Variants in MYO1B observed in about 807,000 individuals in gnomAD.
MYO1B encodes the protein unconventional myosin-Ib.
MYO1B carries 72 observed loss-of-function variants against 159.7 expected under a neutral mutation model. That is an observed-to-expected ratio of 0.45 (90% CI 0.37 to 0.55). The LOEUF is 0.55. Ranked by LOEUF, MYO1B falls within the 20% of genes least tolerant of loss-of-function variation. The probability of loss-of-function intolerance (pLI) is 0.00; values close to 1 mark genes in which losing one functional copy is unlikely to be tolerated. For missense variants in MYO1B, 1,062 were observed against 1,364.8 expected, an observed-to-expected ratio of 0.78 and a Z score of 3.50; for synonymous variants, 468 against 473.8, an observed-to-expected ratio of 0.99 and a Z score of 0.16.
intron 1 of MYO1B, among the ~76,000 whole-genome samples, chr2:191,253,102 T>C (rs1686225782): frequency 6.6e-6 from 1 of 152,142 alleles, no homozygotes; most frequent in Non-Finnish European, 1.5e-5. Flanking sequence ...ACCCATAAAG[T>C]TGGTAAATGT....
Position 191,340,759 on chromosome 2 carries a change from TCTGTTG to T in MYO1B, c.347-700_347-695del, listed in dbSNP as rs1413925386. Among the ~76,000 whole-genome samples the T allele has an allele frequency of 2.0e-5, 3 of 151,958 alleles. No individual in the cohort carries two copies. In the East Asian group the frequency reaches 5.8e-4, roughly 29 times the overall value. ...TTTTTTTTTTGAGACAGAGTCTTGC[TCTGTTG>T]CCAAGGCTGGAGTGCAGTGGTGCGA... On this transcript the variant is annotated intron_variant, in intron 4 of 30. Coordinates refer to ENST00000392318, the MANE Select transcript of MYO1B (RefSeq NM_001130158.3).
chr2:191,300,823 C>G (rs1037911400), intron 3 of MYO1B, among the ~76,000 whole-genome samples: 1 of 151,826 alleles, frequency 6.6e-6, no homozygotes, highest in South Asian at 2.1e-4. Context: ...CAAAAGCATC[C>G]AGATACTTTT....
At chr2:191,308,776 A>T (rs1240956403) in intron 3 of MYO1B, among the ~76,000 whole-genome samples, 2 of 152,148 alleles carry the variant, frequency 1.3e-5, no homozygotes, top group African/African-American at 2.4e-5. Context: ...TGTGACCTCC[A>T]TGTTATCAAA....
intron 7 of MYO1B, among the ~76,000 whole-genome samples, chr2:191,356,213 A>G (rs1372289727): frequency 6.6e-6 from 1 of 152,186 alleles, no homozygotes; most frequent in Non-Finnish European, 1.5e-5. Flanking sequence ...TCTATGGGTC[A>G]GTTCTCAGTA....
intron 27 of MYO1B, among the ~76,000 whole-genome samples, chr2:191,412,964 A>T (rs1425251162): frequency 6.6e-6 from 1 of 152,192 alleles, no homozygotes; most frequent in South Asian, 2.1e-4. Flanking sequence ...TTAACTTATG[A>T]TGCAGTTACA....
intron 1 of MYO1B, among the ~76,000 whole-genome samples, chr2:191,256,356 A>G (rs1337535679): frequency 1.3e-5 from 2 of 152,194 alleles, no homozygotes; most frequent in Non-Finnish European, 2.9e-5. Context: ...GGTTATAGTA[A>G]GGATTAAATG....
At position 191,390,304 on chromosome 2, in the gene MYO1B, G is replaced by A. The variant is rs73984118; in HGVS notation, c.1794G>A (p.Pro598=). ...KNPNYIRCIK[P]NDKKAAHIFN... ...TGTGATCTTTAAGGTGTATCAAACC[G>A]AATGATAAAAAAGCAGCACACATCT... Residue 598 remains proline, a synonymous_variant, in exon 18 of 31, where the codon CCG becomes CCA. Transcript: ENST00000392318. 4,768 of 1,613,230 alleles carry A rather than the reference G, an allele frequency of 3.0e-3. 117 individuals carry two copies. The African/African-American group carries it at 0.055, about 19-fold the overall frequency.
chr2:191,256,307 C>G (rs1686444176), intron 1 of MYO1B, among the ~76,000 whole-genome samples: 1 of 152,210 alleles, frequency 6.6e-6, no homozygotes, highest in Non-Finnish European at 1.5e-5. Context: ...ATTTTCTCAT[C>G]TGCGCAATGT....
At chr2:191,349,807 C>T (rs1692797390) in intron 6 of MYO1B, among the ~76,000 whole-genome samples, 1 of 152,216 alleles carries the variant, frequency 6.6e-6, no homozygotes, top group Non-Finnish European at 1.5e-5. Context: ...AGACTATCTT[C>T]CCAACCAGTC....
At chr2:191,396,739 A>G (rs1696098987) in intron 21 of MYO1B, among the ~76,000 whole-genome samples, 1 of 152,194 alleles carries the variant, frequency 6.6e-6, no homozygotes, top group East Asian at 1.9e-4. Flanking sequence ...AAGTCCTTGA[A>G]ATAATACCCG....
At chr2:191,362,694 G>T (rs1408492651) in intron 9 of MYO1B, among the ~76,000 whole-genome samples, 2 of 152,068 alleles carry the variant, frequency 1.3e-5, no homozygotes, top group African/African-American at 4.8e-5. Flanking sequence ...ATTTCCAACT[G>T]CCCTTGGATC....
At chr2:191,370,163 C>A in intron 12 of MYO1B, 64 bp from the exon 13 acceptor site, 1 of 1,006,792 alleles carries the variant, frequency 9.9e-7, no homozygotes, top group Non-Finnish European at 1.5e-6. Flanking sequence ...ATCTATGTTC[C>A]TTGGATGCTT....
At chr2:191,351,201 AAAG>A (rs1692901685) in intron 7 of MYO1B, among the ~76,000 whole-genome samples, 1 of 152,094 alleles carries the variant, frequency 6.6e-6, no homozygotes, top group Non-Finnish European at 1.5e-5. Flanking sequence ...AAAAAAAAAA[AAAG>A]AAAGTTGACT....
At chr2:191,279,861 A>G (rs1250137470) in intron 2 of MYO1B, among the ~76,000 whole-genome samples, 1 of 152,198 alleles carries the variant, frequency 6.6e-6, no homozygotes, top group Non-Finnish European at 1.5e-5. Context: ...CATATTGAAC[A>G]GTAATTTGTA....
At chr2:191,301,728 C>T (rs2124095) in intron 3 of MYO1B, among the ~76,000 whole-genome samples, 56,612 of 152,056 alleles carry the variant, frequency 0.37, 10,809 homozygotes, top group Middle Eastern at 0.53. Context: ...GATACTCAGT[C>T]GATACTTAAT....
At chr2:191,318,447 T>C (rs1016987094) in intron 3 of MYO1B, among the ~76,000 whole-genome samples, 1 of 152,212 alleles carries the variant, frequency 6.6e-6, no homozygotes, top group Non-Finnish European at 1.5e-5. Context: ...ATCAAGCTTA[T>C]ATTTTGTAAT....
intron 2 of MYO1B, among the ~76,000 whole-genome samples, chr2:191,285,556 C>T (rs895650531): frequency 1.3e-5 from 2 of 152,160 alleles, no homozygotes; most frequent in African/African-American, 4.8e-5. Context: ...ATTCTTTCCT[C>T]AAACTTTGAA....
At chr2:191,291,465 C>G (rs1359914386) in intron 2 of MYO1B, among the ~76,000 whole-genome samples, 1 of 152,206 alleles carries the variant, frequency 6.6e-6, no homozygotes, top group East Asian at 1.9e-4. Flanking sequence ...CTCTTTCATT[C>G]TTGTTTGCTT....
Position 191,333,167 on chromosome 2 carries a change from C to T in MYO1B, c.346+3138C>T, listed in dbSNP as rs1163263598. Among the ~76,000 whole-genome samples the T allele has an allele frequency of 2.0e-5, 3 of 152,140 alleles. No homozygotes were observed. The East Asian group carries it at 5.8e-4, about 29-fold the overall frequency. On this transcript the variant is annotated intron_variant, in intron 4 of 30. Coordinates refer to ENST00000392318, the MANE Select transcript of MYO1B (RefSeq NM_001130158.3). ...TAGTTCTGGGTATCTTTATCTTTCT[C>T]CATTTTTTTCCTTAGGCAGTCTCAA...
Sources: allele counts gnomAD v4.1 joint callset (sites outside exome capture counted in the v4.1 genomes callset), GRCh38; gene constraint gnomAD v4.1.1; transcripts MANE v1.5; gene names NCBI Gene and HGNC (gene_info 2026-07-23, HGNC 2026-07-21).